The following OR6N1 variants were observed in gnomAD, a reference collection of about 807,000 sequenced individuals.
OR6N1 encodes olfactory receptor family 6 subfamily N member 1.
For missense variants in OR6N1, 394 were observed against 371.7 expected (o/e 1.06, Z -0.49); for synonymous variants, 170 against 150.7 (o/e 1.13, Z -0.94).
At chr1:158,777,301 C>G in the OR6N1 span, 1 of 1,614,106 alleles carries the variant, frequency 6.2e-7, no homozygotes, top group Non-Finnish European at 8.5e-7. Context: ...AAGAAGGTAG[C>G]ATTCAGACGC....
At chr1:158,805,305 A>G in the OR6N1 span, among the ~76,000 whole-genome samples, 1 of 152,234 alleles carries the variant, frequency 6.6e-6, no homozygotes, top group Non-Finnish European at 1.5e-5. Context: ...GCTAGAGTCA[A>G]TATCCAATTG....
chr1:158,786,759 A>T, the OR6N1 span, among the ~76,000 whole-genome samples: 1 of 152,194 alleles, frequency 6.6e-6, no homozygotes, highest in South Asian at 2.1e-4. Context: ...ACTAAATATC[A>T]TATGTTCTCA....
At chr1:158,791,809 C>T in the OR6N1 span, among the ~76,000 whole-genome samples, 3 of 152,240 alleles carry the variant, frequency 2.0e-5, no homozygotes, top group Middle Eastern at 0.01. Context: ...CTTTTCTGGC[C>T]TATCATATAG....
chr1:158,814,816 G>T, the OR6N1 span, among the ~76,000 whole-genome samples: 1 of 152,082 alleles, frequency 6.6e-6, no homozygotes, highest in Admixed American at 6.5e-5. Flanking sequence ...TTACATTGAT[G>T]ATTATTTCCC....
chr1:158,802,917 T>C, the OR6N1 span, among the ~76,000 whole-genome samples: 3 of 152,192 alleles, frequency 2.0e-5, no homozygotes, highest in Non-Finnish European at 4.4e-5. Context: ...ACATCTGAAC[T>C]CTTATCTCAG....
chr1:158,810,831 G>A, the OR6N1 span, among the ~76,000 whole-genome samples: 1 of 152,102 alleles, frequency 6.6e-6, no homozygotes, highest in Non-Finnish European at 1.5e-5. Context: ...TAATATGTGT[G>A]TCCATTTTTT....
chr1:158,788,807 T>C, the OR6N1 span, among the ~76,000 whole-genome samples: 1 of 152,184 alleles, frequency 6.6e-6, no homozygotes. Flanking sequence ...ATTTCCTTTT[T>C]CATTATTAGC....
At chr1:158,829,854 G>A in the OR6N1 span, among the ~76,000 whole-genome samples, 1 of 152,196 alleles carries the variant, frequency 6.6e-6, no homozygotes, top group Non-Finnish European at 1.5e-5. Flanking sequence ...ATGGTGGAAG[G>A]CAAGGAGGAG....
At chr1:158,833,311 G>T in the OR6N1 span, among the ~76,000 whole-genome samples, 1 of 152,082 alleles carries the variant, frequency 6.6e-6, no homozygotes, top group African/African-American at 2.4e-5. Flanking sequence ...TATAATAATT[G>T]TTTTCTTTTA....
chr1:158,798,746 T>G, the OR6N1 span, among the ~76,000 whole-genome samples: 1 of 152,178 alleles, frequency 6.6e-6, no homozygotes, highest in African/African-American at 2.4e-5. Context: ...TACTTATGAT[T>G]TATTTGCCTG....
At chr1:158,778,577 T>A in the OR6N1 span, among the ~76,000 whole-genome samples, 3 of 152,208 alleles carry the variant, frequency 2.0e-5, no homozygotes, top group Non-Finnish European at 2.9e-5. Flanking sequence ...GTTTGCTAGA[T>A]GAGTGACTGG....
At chr1:158,791,614 C>T in the OR6N1 span, among the ~76,000 whole-genome samples, 1 of 152,030 alleles carries the variant, frequency 6.6e-6, no homozygotes, top group African/African-American at 2.4e-5. Context: ...GGATTACAGG[C>T]ATGCGCTACC....
Position 158,766,048 on chromosome 1 carries a change from A to G in OR6N1, c.635T>C (p.Leu212Pro). 3 of 1,614,224 alleles carry G rather than the reference A, an allele frequency of 1.9e-6. No individual in the cohort carries two copies. The South Asian group carries it at 3.3e-5, about 18-fold the overall frequency. ...CTGCACATAGGAGCAGAGGATCAGC[A>G]GGAAGGTGGCTAGGATCTTGCAGGA... The part of the protein sequence containing the change: ...INSCKILATF[L>P]LILCSYVQII... The change falls in exon 2 of 2, where the codon CTG becomes CCG. Residue 212 changes from leucine (L) to proline (P), a missense_variant. Leu to Pro is a moderately conservative substitution (Grantham distance 98). Coordinates refer to ENST00000641846, the MANE Select transcript of OR6N1 (RefSeq NM_001005185.2).
At chr1:158,794,590 C>T in the OR6N1 span, among the ~76,000 whole-genome samples, 2 of 152,096 alleles carry the variant, frequency 1.3e-5, no homozygotes, top group African/African-American at 2.4e-5. Flanking sequence ...CCAGCTCTTA[C>T]GGGGATAAGA....
chr1:158,775,871 A>C (rs1657579866), upstream of OR6N1: 1 of 152,212 alleles, frequency 6.6e-6, no homozygotes, highest in Non-Finnish European at 1.5e-5. Context: ...CATGGTTAGA[A>C]ATTTTAAGAA....
the OR6N1 span, among the ~76,000 whole-genome samples, chr1:158,825,984 A>C: frequency 6.6e-6 from 1 of 152,174 alleles, no homozygotes; most frequent in South Asian, 2.1e-4. Flanking sequence ...TTATGGCCTC[A>C]ATAACTAGAG....
the OR6N1 span, among the ~76,000 whole-genome samples, chr1:158,822,011 A>G: frequency 1.3e-5 from 2 of 152,116 alleles, no homozygotes; most frequent in East Asian, 1.9e-4. Flanking sequence ...TTCATTTGCA[A>G]TTCCCTGTGA....
At chr1:158,821,898 A>C in the OR6N1 span, among the ~76,000 whole-genome samples, 1 of 152,188 alleles carries the variant, frequency 6.6e-6, no homozygotes, top group East Asian at 1.9e-4. Flanking sequence ...TCCACCAGCA[A>C]TTGATAAGAG....
At chr1:158,792,655 A>C in the OR6N1 span, among the ~76,000 whole-genome samples, 1 of 152,142 alleles carries the variant, frequency 6.6e-6, no homozygotes, top group Non-Finnish European at 1.5e-5. Context: ...TTATGGAGTA[A>C]AAAATTATTG....
Sources: allele counts gnomAD v4.1 joint callset (sites outside exome capture counted in the v4.1 genomes callset), GRCh38; gene constraint gnomAD v4.1.1; transcripts MANE v1.5; gene names NCBI Gene and HGNC (gene_info 2026-07-23, HGNC 2026-07-21).